Variants in ADHFE1 observed in about 807,000 individuals in gnomAD.
The protein encoded by ADHFE1 is hydroxyacid-oxoacid transhydrogenase, mitochondrial.
In ADHFE1, 37 loss-of-function variants were observed where a neutral mutation model predicts 54.8. The ratio of observed to expected loss-of-function variants is 0.68; its 90% CI spans 0.52 to 0.89. ADHFE1 has a LOEUF of 0.89. ADHFE1 is among the 40% of genes least tolerant of loss of function. ADHFE1 has a pLI of 0.00. For missense variants in ADHFE1, 601 were observed against 591.2 expected (o/e 1.02, Z -0.17); for synonymous variants, 203 against 229.3 (o/e 0.89, Z 1.04).
chr8:66,436,773 C>T (rs1354852179), intron 1 of ADHFE1, among the ~76,000 whole-genome samples: 1 of 152,146 alleles, frequency 6.6e-6, no homozygotes, highest in Non-Finnish European at 1.5e-5. Flanking sequence ...GAAAAAGTTC[C>T]AGGACTGACC....
intron 2 of ADHFE1, among the ~76,000 whole-genome samples, chr8:66,442,576 G>T (rs1805815505): frequency 6.6e-6 from 1 of 152,098 alleles, no homozygotes; most frequent in African/African-American, 2.4e-5. Context: ...CTCCCAAAGT[G>T]CTGGGATTAC....
chr8:66,433,013 G>A, intron 1 of ADHFE1: 1 of 627,376 alleles, frequency 1.6e-6, no homozygotes, highest in Non-Finnish European at 2.0e-6. Context: ...TGGGATGAGG[G>A]GACGAGGCTA....
chr8:66,448,993 G>A, intron 8 of ADHFE1, 23 bp downstream of exon 8: 2 of 1,602,792 alleles, frequency 1.2e-6, no homozygotes, highest in South Asian at 1.1e-5. Context: ...GCCTCCTGGA[G>A]GGGCTTTTTT....
intron 13 of ADHFE1, among the ~76,000 whole-genome samples, chr8:66,466,851 A>G (rs185367461): frequency 2.3e-3 from 355 of 152,340 alleles, no homozygotes; most frequent in Non-Finnish European, 3.5e-3. Flanking sequence ...GGCAGGGTCA[A>G]CGTTAGCATA....
rs1806628699 is a variant in ADHFE1, at chr8:66,457,151, A to G, written c.1147A>G (p.Met383Val). The G allele has an allele frequency of 6.2e-7, 1 of 1,613,194 alleles. No homozygotes were observed. The highest frequency in any genetic ancestry group is 8.5e-7 in the Non-Finnish European group (1 of 1,179,472). ...GATGTTTCCAGAGCGACACCTGGAG[A>G]TGGCAGAAATACTGGGTATGAACCA... The part of the protein sequence containing the change: ...AQMFPERHLE[M>V]AEILGADTRT... Residue 383 changes from methionine to valine, a missense_variant, in exon 12 of 14, where the codon ATG becomes GTG. Coordinates refer to ENST00000396623, the MANE Select transcript of ADHFE1 (RefSeq NM_144650.3).
At chr8:66,454,279 A>G (rs190615880) in intron 10 of ADHFE1, 122 bp downstream of exon 10, 23 of 856,806 alleles carry the variant, frequency 2.7e-5, no homozygotes, top group South Asian at 1.0e-4. Flanking sequence ...ATTTAACTTT[A>G]TGTTCCTAAA....
chr8:66,444,265 A>C (rs761049192), intron 3 of ADHFE1, 102 bp from the exon 4 acceptor site: 122 of 1,073,772 alleles, frequency 1.1e-4, no homozygotes, highest in Non-Finnish European at 1.7e-4. Context: ...TAAGGAGTGT[A>C]TACTTTATGC....
intron 9 of ADHFE1, 84 bp downstream of exon 9, chr8:66,452,189 A>T: frequency 1.3e-6 from 2 of 1,529,088 alleles, no homozygotes; most frequent in Non-Finnish European, 1.8e-6. Flanking sequence ...TGAGCCTGAA[A>T]TATCCTGAGC....
intron 9 of ADHFE1, among the ~76,000 whole-genome samples, chr8:66,452,356 G>A (rs1350149342): frequency 1.3e-5 from 2 of 152,248 alleles, no homozygotes; most frequent in African/African-American, 2.4e-5. Flanking sequence ...GCTAGGATGA[G>A]GGGTGGTGTC....
chr8:66,457,226 C>A (rs1012480183), intron 12 of ADHFE1, 60 bp downstream of exon 12: 60 of 1,521,470 alleles, frequency 3.9e-5, no homozygotes, highest in Non-Finnish European at 5.2e-5. Context: ...CATCTGTAAT[C>A]CCAGCATTTT....
intron 1 of ADHFE1, 129 bp downstream of exon 1, chr8:66,432,704 C>G: frequency 8.1e-7 from 1 of 1,233,688 alleles, no homozygotes; most frequent in East Asian, 3.2e-5. Flanking sequence ...TGGATACCGC[C>G]CTGGGCTCCC....
intron 1 of ADHFE1, among the ~76,000 whole-genome samples, chr8:66,433,871 T>C (rs1422402789): frequency 6.6e-6 from 1 of 152,230 alleles, no homozygotes; most frequent in Non-Finnish European, 1.5e-5. Flanking sequence ...GTTCAAATTT[T>C]TGGTTGTAAA....
At position 66,452,076 on chromosome 8, in the gene ADHFE1, G is replaced by C; in HGVS notation, c.858G>C (p.Ala286=). The C allele has an allele frequency of 1.9e-6, 3 of 1,614,114 alleles. No individual in the cohort carries two copies. The highest frequency in any genetic ancestry group is 2.5e-6 in the Non-Finnish European group (3 of 1,180,002). Residue 286 remains alanine, a synonymous_variant, in exon 9 of 14, where the codon GCG becomes GCC. Transcript: ENST00000396623. ...TCAGTGACATTTGGGCTATCCACGCGCTGCGGATCGTGGCTAAGTATCTGA... is the reference window on the plus strand; with the variant it reads ...TCAGTGACATTTGGGCTATCCACGCCCTGCGGATCGTGGCTAAGTATCTGA... The part of the protein sequence containing the change: ...NPISDIWAIH[A]LRIVAKYLKR...
chr8:66,457,175 C>G lies in ADHFE1; in HGVS notation c.1162+9C>G. On this transcript the variant is annotated intron_variant, in intron 12 of 13. Coordinates refer to ENST00000396623, the MANE Select transcript of ADHFE1 (RefSeq NM_144650.3). ...GATGGCAGAAATACTGGGTATGAAC[C>G]ATTACTCAAAATTCTGTGACCGGCC... The G allele has an allele frequency of 6.2e-7, 1 of 1,608,116 alleles. No homozygotes were observed. The highest frequency in any genetic ancestry group is 8.5e-7 in the Non-Finnish European group (1 of 1,176,266).
Position 66,445,286 on chromosome 8 carries a change from C to T in ADHFE1, c.422C>T (p.Ser141Phe), listed in dbSNP as rs1346798777. The change falls in exon 6 of 14, where the codon TCT becomes TTT. Residue 141 changes from serine (S) to phenylalanine (F), a missense_variant. Coordinates refer to ENST00000396623, the MANE Select transcript of ADHFE1 (RefSeq NM_144650.3). ...FDAYVAVGGG[S>F]TMDTCKAANL... ...GCCTATGTTGCTGTCGGTGGTGGCT[C>T]TACCATGGACACCTGTAAGGCTGCT... 1.2e-6 allele frequency: 2 copies of T among 1,613,630 alleles called. No individual in the cohort carries two copies. Among genetic ancestry groups the T allele is most frequent in the Non-Finnish European group, 8.5e-7 (1 of 1,179,896 alleles).
chr8:66,457,603 T>C (rs777161914), intron 12 of ADHFE1, among the ~76,000 whole-genome samples: 9 of 152,030 alleles, frequency 5.9e-5, no homozygotes, highest in Middle Eastern at 3.2e-3. Flanking sequence ...GGTGGGAGGA[T>C]AGCTTAAGCT....
intron 7 of ADHFE1, among the ~76,000 whole-genome samples, chr8:66,448,550 C>T (rs1330736420): frequency 1.3e-5 from 2 of 152,072 alleles, no homozygotes; most frequent in Non-Finnish European, 2.9e-5. Context: ...ACAAGTAAGC[C>T]CTGACTTGTA....
chr8:66,450,523 T>C (rs1478234989), intron 8 of ADHFE1, among the ~76,000 whole-genome samples: 2 of 151,178 alleles, frequency 1.3e-5, no homozygotes, highest in African/African-American at 4.8e-5. Flanking sequence ...CATGGACTTC[T>C]GGTCATAAAG....
rs371060032 is a variant in ADHFE1, at chr8:66,432,522, C to T, written c.6C>T (p.Ala2=). 6.7e-4 allele frequency: 918 copies of T among 1,368,468 alleles called. No homozygotes were observed. Among genetic ancestry groups the T allele is most frequent in the Non-Finnish European group, 7.9e-4 (834 of 1,050,602 alleles). The allele number at this position is 1,368,468 out of a possible 1,614,324, so 84.8% of individuals were successfully genotyped here. Reference sequence around the variant, plus strand: ...GGAAGAGGACTCCAAGCGCCATGGCCGCTGCCGCCCGAGCCCGGGTCGCGT... The same window carrying T: ...GGAAGAGGACTCCAAGCGCCATGGCTGCTGCCGCCCGAGCCCGGGTCGCGT... M[A]AAARARVAYL... Residue 2 remains alanine, a synonymous_variant, in exon 1 of 14, where the codon GCC becomes GCT. Coordinates refer to ENST00000396623, the MANE Select transcript of ADHFE1 (RefSeq NM_144650.3).
Sources: gnomAD v4.1 joint callset for allele counts (sites outside exome capture counted in the v4.1 genomes callset) on GRCh38, gnomAD v4.1.1 for gene constraint, MANE v1.5 for transcripts, NCBI Gene and HGNC (gene_info 2026-07-23, HGNC 2026-07-21) for gene names.